Variants in RNF216 observed in about 807,000 individuals in gnomAD.
RNF216 encodes the protein E3 ubiquitin-protein ligase RNF216.
A neutral mutation model predicts 110.8 loss-of-function variants in RNF216; 72 were observed. The ratio of observed to expected loss-of-function variants is 0.65; its 90% CI spans 0.54 to 0.79. The LOEUF is 0.79. RNF216 is among the 30% of genes least tolerant of loss of function. RNF216 has a pLI of 0.00. For synonymous variants in RNF216, 495 were observed against 407.5 expected (o/e 1.21, Z -2.59); for missense variants, 1,342 against 1,141.2 (o/e 1.18, Z -2.54).
At chr7:5,662,700 T>C (rs1789225988) in intron 13 of RNF216, 1 of 152,190 alleles carries the variant, frequency 6.6e-6, no homozygotes, top group Non-Finnish European at 1.5e-5. Flanking sequence ...GAAGCCCTTG[T>C]CCTCTTAGAG....
intron 5 of RNF216, among the ~76,000 whole-genome samples, chr7:5,734,987 C>T (rs1283891763): frequency 6.6e-6 from 1 of 151,700 alleles, no homozygotes; most frequent in Admixed American, 6.6e-5. Context: ...CCTATCTCTA[C>T]TAAAAATACA....
At chr7:5,665,823 A>C (rs575271051) in intron 13 of RNF216, among the ~76,000 whole-genome samples, 1 of 152,174 alleles carries the variant, frequency 6.6e-6, no homozygotes, top group African/African-American at 2.4e-5. Context: ...CACCGAGACT[A>C]TATCAGCAAC....
chr7:5,644,814 A>G (rs1295068194), intron 14 of RNF216, among the ~76,000 whole-genome samples: 2 of 137,068 alleles, frequency 1.5e-5, no homozygotes, highest in African/African-American at 2.7e-5. Flanking sequence ...CTGTTTGCCT[A>G]TTTTCTTTTT....
chr7:5,691,783 T>C (rs1791357012), intron 13 of RNF216, among the ~76,000 whole-genome samples: 1 of 152,214 alleles, frequency 6.6e-6, no homozygotes, highest in African/African-American at 2.4e-5. Flanking sequence ...CAGAGGAAAC[T>C]ACACCAATAT....
intron 3 of RNF216, among the ~76,000 whole-genome samples, chr7:5,747,818 T>C (rs1325280819): frequency 7.1e-6 from 1 of 141,734 alleles, no homozygotes; most frequent in African/African-American, 2.6e-5. Context: ...AGATACAAGG[T>C]CCCAGGCTGA....
rs887390137 is a variant in RNF216, at chr7:5,721,107, C to T, written c.1570G>A (p.Asp524Asn). ...ENKRRHCRSYDRRALLPAVQQ... is the reference protein window; with the variant it reads ...ENKRRHCRSYNRRALLPAVQQ... ...ACAGCTGGAAGGAGAGCACGTCGGTCATAGGACCTACAATGTCGTCGCTTA... is the reference window on the plus strand; with the variant it reads ...ACAGCTGGAAGGAGAGCACGTCGGTTATAGGACCTACAATGTCGTCGCTTA... The change falls in exon 9 of 17, where the codon GAC (aspartate) becomes AAC (asparagine). Residue 524 changes from aspartate (D) to asparagine (N), a missense_variant. Transcript: ENST00000389902. 3.1e-6 allele frequency: 5 copies of T among 1,614,054 alleles called. No homozygotes were observed. Among genetic ancestry groups the T allele is most frequent in the Non-Finnish European group, 3.4e-6 (4 of 1,179,918 alleles).
chr7:5,755,764 T>C (rs990156644), intron 2 of RNF216, among the ~76,000 whole-genome samples: 1 of 152,212 alleles, frequency 6.6e-6, no homozygotes, highest in Admixed American at 6.5e-5. Context: ...AACATTCTTG[T>C]GCAAGTCTTT....
chr7:5,642,764 C>A (rs1787816583), intron 14 of RNF216, among the ~76,000 whole-genome samples: 1 of 152,192 alleles, frequency 6.6e-6, no homozygotes, highest in Non-Finnish European at 1.5e-5. Context: ...CAAGCGTGAG[C>A]CACTGCGCCC....
At chr7:5,657,579 T>A (rs1017439062) in intron 13 of RNF216, among the ~76,000 whole-genome samples, 32 of 150,336 alleles carry the variant, frequency 2.1e-4, no homozygotes, top group East Asian at 9.8e-4. Flanking sequence ...AAAAAAAAAA[T>A]AATAAAATAA....
In RNF216 at chr7:5,781,530, CCG is replaced by C. The variant is rs1797092882; in HGVS notation, c.-70+9_-70+10del. ...CCAGGAGCTCGAGCGCGCCCCGCAG[CCG>C]ACACTCACTCGTCACTCAAGTCGCC... On this transcript the variant is annotated intron_variant, in intron 1 of 16. Transcript: ENST00000389902. 1 of 152,254 alleles carries C rather than the reference CCG, an allele frequency of 6.6e-6. No individual in the cohort carries two copies. The highest frequency in any genetic ancestry group is 1.5e-5 in the Non-Finnish European group (1 of 68,140). The allele number at this position is 152,254 out of a possible 1,614,324, so 9.4% of individuals were successfully genotyped here.
chr7:5,676,559 CT>C (rs201760442), intron 13 of RNF216, among the ~76,000 whole-genome samples: 2,848 of 152,254 alleles, frequency 0.019, 40 homozygotes, highest in Non-Finnish European at 0.03. Context: ...TCCTGTCTGC[CT>C]GGCTGTGTGA....
At chr7:5,729,344 A>G (rs766203671) in intron 7 of RNF216, 88 bp downstream of exon 7, 57 of 1,341,184 alleles carry the variant, frequency 4.2e-5, no homozygotes, top group Non-Finnish European at 6.0e-5. Flanking sequence ...AAACCATCCC[A>G]ATTTCCACAA....
intron 13 of RNF216, among the ~76,000 whole-genome samples, chr7:5,702,797 C>A (rs1792051784): frequency 6.6e-6 from 1 of 152,118 alleles, no homozygotes. Context: ...AGTTAAAAAT[C>A]CTGAAGCCTC....
At chr7:5,684,060 A>G (rs1454309774) in intron 13 of RNF216, among the ~76,000 whole-genome samples, 2 of 137,254 alleles carry the variant, frequency 1.5e-5, no homozygotes, top group Admixed American at 7.3e-5. Context: ...CTGGTCTGTG[A>G]TGGTGGGACC....
intron 1 of RNF216, among the ~76,000 whole-genome samples, chr7:5,763,490 C>A (rs575294000): frequency 6.6e-6 from 1 of 151,974 alleles, no homozygotes; most frequent in Non-Finnish European, 1.5e-5. Context: ...ATTAGCCAGG[C>A]GTGGTGGCAG....
In RNF216 at chr7:5,752,922, C is replaced by T; in HGVS notation, c.125G>A (p.Arg42Lys). The T allele has an allele frequency of 6.2e-7, 1 of 1,612,168 alleles. No individual in the cohort carries two copies. Among genetic ancestry groups the T allele is most frequent in the Non-Finnish European group, 8.5e-7 (1 of 1,179,234 alleles). ...ITISDSSDEERIPMLVTPAPQ... is the reference protein window; with the variant it reads ...ITISDSSDEEKIPMLVTPAPQ... ...AGCTGGGGTGACCAGCATTGGAATC[C>T]TTTCCTCATCTGAGGAGTCAGATAT... The change falls in exon 3 of 17, where the codon AGG (arginine) becomes AAG (lysine). Residue 42 changes from arginine (R) to lysine (K), a missense_variant. By Grantham distance (26) the Arg-to-Lys change is conservative. Coordinates refer to ENST00000389902, the MANE Select transcript of RNF216 (RefSeq NM_207111.4).
chr7:5,640,060 AT>A (rs572182905), intron 15 of RNF216, among the ~76,000 whole-genome samples: 2,719 of 138,684 alleles, frequency 0.02, 32 homozygotes, highest in South Asian at 0.036. Flanking sequence ...CGCCCGGCCA[AT>A]TTTTTTTTTT....
intron 13 of RNF216, among the ~76,000 whole-genome samples, chr7:5,669,161 T>C (rs569795158): frequency 6.6e-6 from 1 of 152,222 alleles, no homozygotes; most frequent in Non-Finnish European, 1.5e-5. Context: ...CCTGCCAGCC[T>C]GAGAGGAATA....
At chr7:5,745,687 G>A (rs965265900) in intron 3 of RNF216, among the ~76,000 whole-genome samples, 7 of 151,936 alleles carry the variant, frequency 4.6e-5, no homozygotes, top group Non-Finnish European at 1.0e-4. Flanking sequence ...ATAACTTGAG[G>A]TCAAGAGTTA....
Sources: gnomAD v4.1 joint callset for allele counts (sites outside exome capture counted in the v4.1 genomes callset) on GRCh38, gnomAD v4.1.1 for gene constraint, MANE v1.5 for transcripts, NCBI Gene and HGNC (gene_info 2026-07-23, HGNC 2026-07-21) for gene names.